Variants in FAM185A observed in about 807,000 individuals in gnomAD.
FAM185A encodes family with sequence similarity 185 member A.
Under a neutral mutation model 45.7 loss-of-function variants are expected in FAM185A, and 21 were observed. The ratio of observed to expected loss-of-function variants is 0.46; its 90% CI spans 0.33 to 0.66. The LOEUF (loss-of-function observed/expected upper bound fraction) is 0.66, where lower values mean the gene tolerates loss of function less well. Among genes scored for constraint, FAM185A ranks in the 30% least tolerant of loss-of-function variants. FAM185A has a pLI of 0.03. For missense variants in FAM185A, 305 were observed against 485.4 expected (o/e 0.63, Z 3.49); for synonymous variants, 117 against 194.0 (o/e 0.60, Z 3.30).
chr7:102,838,087 G>A, the FAM185A span, among the ~76,000 whole-genome samples: 5 of 152,250 alleles, frequency 3.3e-5, no homozygotes, highest in East Asian at 3.9e-4. Flanking sequence ...CTTCTCACTC[G>A]GTTCAGTAAC....
the FAM185A span, among the ~76,000 whole-genome samples, chr7:102,850,047 G>C: frequency 2.0e-5 from 3 of 151,916 alleles, no homozygotes; most frequent in African/African-American, 7.3e-5. Flanking sequence ...TCATGAATTT[G>C]AGTAGAACAA....
intron 1 of FAM185A, among the ~76,000 whole-genome samples, chr7:102,751,426 C>T (rs1206829554): frequency 2.6e-5 from 4 of 151,988 alleles, no homozygotes; most frequent in South Asian, 4.2e-4. Flanking sequence ...TTAACAGAAT[C>T]GTAGTCTCCT....
At chr7:102,782,625 G>A (rs891944801) in intron 6 of FAM185A, among the ~76,000 whole-genome samples, 12 of 151,996 alleles carry the variant, frequency 7.9e-5, no homozygotes, top group African/African-American at 2.2e-4. Flanking sequence ...CCAACAGGCC[G>A]CCCCTAAAAC....
the FAM185A span, among the ~76,000 whole-genome samples, chr7:102,843,114 A>T: frequency 1.3e-5 from 2 of 152,188 alleles, no homozygotes; most frequent in Non-Finnish European, 2.9e-5. Flanking sequence ...GTATCATAAA[A>T]GGTTATGAAG....
intron 6 of FAM185A, among the ~76,000 whole-genome samples, chr7:102,778,683 A>G (rs1584316878): frequency 6.6e-6 from 1 of 152,318 alleles, no homozygotes; most frequent in South Asian, 2.1e-4. Context: ...AAATTTGATT[A>G]GGATTACAGT....
At chr7:102,771,339 T>G (rs982144532) in intron 4 of FAM185A, among the ~76,000 whole-genome samples, 1 of 152,158 alleles carries the variant, frequency 6.6e-6, no homozygotes, top group Non-Finnish European at 1.5e-5. Context: ...CCTGCACATG[T>G]ATCCCCTGAA....
At chr7:102,783,104 C>T (rs1191250139) in intron 6 of FAM185A, among the ~76,000 whole-genome samples, 1 of 151,812 alleles carries the variant, frequency 6.6e-6, no homozygotes, top group East Asian at 1.9e-4. Flanking sequence ...AGATAACTAT[C>T]GTAAATATAT....
intron 2 of FAM185A, chr7:102,755,069 T>C (rs900454844): frequency 2.7e-6 from 1 of 377,056 alleles, no homozygotes; most frequent in Non-Finnish European, 4.7e-6. Flanking sequence ...ATTTTACTTA[T>C]AATTTTGTAA....
intron 7 of FAM185A, among the ~76,000 whole-genome samples, chr7:102,795,915 A>C (rs1257545173): frequency 6.6e-5 from 10 of 152,364 alleles, no homozygotes; most frequent in African/African-American, 2.4e-4. Flanking sequence ...AGCACCCAAC[A>C]AAGTAAAATT....
chr7:102,794,497 C>T (rs1390642264), intron 7 of FAM185A, among the ~76,000 whole-genome samples: 1 of 151,788 alleles, frequency 6.6e-6, no homozygotes, highest in Non-Finnish European at 1.5e-5. Flanking sequence ...TTAAAAATAC[C>T]GATTATTCAA....
At chr7:102,781,126 C>T (rs878935574) in intron 6 of FAM185A, among the ~76,000 whole-genome samples, 1 of 152,184 alleles carries the variant, frequency 6.6e-6, no homozygotes, top group Non-Finnish European at 1.5e-5. Flanking sequence ...GGGCGTCCAC[C>T]ATTGCCGAGG....
At chr7:102,823,237 CCTCT>C in the FAM185A span, among the ~76,000 whole-genome samples, 3 of 152,108 alleles carry the variant, frequency 2.0e-5, no homozygotes, top group African/African-American at 4.8e-5. Context: ...AATTTAAAAT[CCTCT>C]CTAAGGCATC....
chr7:102,778,777 C>T (rs1246824880), intron 6 of FAM185A, among the ~76,000 whole-genome samples: 1 of 152,166 alleles, frequency 6.6e-6, no homozygotes, highest in Non-Finnish European at 1.5e-5. Flanking sequence ...TACTTCAGAT[C>T]TCCGAATTCT....
chr7:102,807,526 G>C (rs1295261494), intron 7 of FAM185A, among the ~76,000 whole-genome samples: 2 of 151,714 alleles, frequency 1.3e-5, no homozygotes, highest in African/African-American at 4.8e-5. Flanking sequence ...TGCTCAACTA[G>C]TATGTCTTCT....
intron 7 of FAM185A, among the ~76,000 whole-genome samples, chr7:102,806,918 A>G (rs1259081221): frequency 6.6e-6 from 1 of 152,104 alleles, no homozygotes; most frequent in African/African-American, 2.4e-5. Flanking sequence ...TTCATAAGAA[A>G]GAGTTCCGGA....
At chr7:102,840,950 CTATGATGTA>C in the FAM185A span, among the ~76,000 whole-genome samples, 10 of 152,216 alleles carry the variant, frequency 6.6e-5, no homozygotes, top group East Asian at 7.7e-4. Flanking sequence ...ACGATCCTAT[CTATGATGTA>C]TGTGATGAGG....
chr7:102,840,430 T>A, the FAM185A span, among the ~76,000 whole-genome samples: 1 of 152,220 alleles, frequency 6.6e-6, no homozygotes, highest in South Asian at 2.1e-4. Context: ...TAGTCCAGGG[T>A]CCTCTGTGGG....
the FAM185A span, among the ~76,000 whole-genome samples, chr7:102,848,400 C>CA: frequency 3.0e-5 from 3 of 99,290 alleles, 1 homozygote; most frequent in East Asian, 1.1e-3. Context: ...ACTAAAAATA[C>CA]AAAAAATTAG....
At chr7:102,786,243 C>T (rs1213703090) in intron 6 of FAM185A, among the ~76,000 whole-genome samples, 1 of 152,182 alleles carries the variant, frequency 6.6e-6, no homozygotes, top group East Asian at 1.9e-4. Context: ...GGACTGTAAG[C>T]TAATTCAACC....
Sources: gnomAD v4.1 joint callset for allele counts (sites outside exome capture counted in the v4.1 genomes callset) on GRCh38, gnomAD v4.1.1 for gene constraint, MANE v1.5 for transcripts, NCBI Gene and HGNC (gene_info 2026-07-23, HGNC 2026-07-21) for gene names.